The following CTIF variants were observed in gnomAD, a reference collection of about 807,000 sequenced individuals.
The protein encoded by CTIF is cap binding complex dependent translation initiation factor, also known as CBP80/20-dependent translation initiation factor.
CTIF carries 21 observed loss-of-function variants against 66.0 expected under a neutral mutation model. The observed-to-expected ratio is 0.32, with a 90% confidence interval of 0.23 to 0.46. The LOEUF (loss-of-function observed/expected upper bound fraction) is 0.46. CTIF is among the 20% of genes least tolerant of loss of function. The pLI is 1.00. For synonymous variants in CTIF, 345 were observed against 326.4 expected, an observed-to-expected ratio of 1.06 and a Z score of -0.62; for missense variants, 739 against 812.7, an observed-to-expected ratio of 0.91 and a Z score of 1.10.
chr18:48,713,238 T>C (rs541347612), intron 7 of CTIF, among the ~76,000 whole-genome samples: 19 of 152,120 alleles, frequency 1.2e-4, no homozygotes, highest in Non-Finnish European at 2.4e-4. Context: ...CCTCTGGCCC[T>C]GTAGTCTCTG....
intron 7 of CTIF, among the ~76,000 whole-genome samples, chr18:48,742,849 A>G (rs929997017): frequency 6.6e-6 from 1 of 152,142 alleles, no homozygotes; most frequent in Non-Finnish European, 1.5e-5. Flanking sequence ...GTGCAGTGTG[A>G]GTCCTTGCCT....
intron 1 of CTIF, among the ~76,000 whole-genome samples, chr18:48,603,543 G>GTGGA (rs1344511434): frequency 5.6e-5 from 8 of 142,552 alleles, no homozygotes; most frequent in African/African-American, 1.1e-4. Flanking sequence ...GGATGAATGT[G>GTGGA]TGGATGGATG....
intron 6 of CTIF, among the ~76,000 whole-genome samples, chr18:48,711,400 G>A (rs1435467122): frequency 6.6e-6 from 1 of 152,190 alleles, no homozygotes; most frequent in Non-Finnish European, 1.5e-5. Flanking sequence ...TGTCCCTACT[G>A]TTCTTTGATT....
chr18:48,654,362 C>T (rs1358572107), intron 3 of CTIF, among the ~76,000 whole-genome samples: 2 of 152,184 alleles, frequency 1.3e-5, no homozygotes, highest in African/African-American at 2.4e-5. Context: ...AGCCAAAAGA[C>T]ACATGAAAAA....
At position 48,603,096 on chromosome 18, in the gene CTIF, T is replaced by C. The variant is rs1473327221; in HGVS notation, c.-28-16442T>C. On this transcript the variant is annotated intron_variant, in intron 1 of 11. Coordinates refer to ENST00000256413, the MANE Select transcript of CTIF (RefSeq NM_014772.3). ...ATGGATGGATGGATGGATGGCTAGA[T>C]GGGTGGGTGGGTGAATGGATGGATG... Among the ~76,000 whole-genome samples, 4 of 147,538 alleles carry C rather than the reference T, an allele frequency of 2.7e-5. No homozygotes were observed. The East Asian group carries it at 8.2e-4, about 30-fold the overall frequency.
intron 6 of CTIF, among the ~76,000 whole-genome samples, chr18:48,696,523 G>A (rs2092011581): frequency 6.6e-6 from 1 of 152,196 alleles, no homozygotes; most frequent in Admixed American, 6.5e-5. Flanking sequence ...ACCGCTCTTA[G>A]TCTGTCTGGC....
chr18:48,754,380 CTTATCTG>C (rs1908135078), intron 7 of CTIF, among the ~76,000 whole-genome samples: 1 of 152,178 alleles, frequency 6.6e-6, no homozygotes, highest in South Asian at 2.1e-4. Context: ...CCTCGGTTGT[CTTATCTG>C]TCGAATGGAA....
chr18:48,583,094 A>ACTGCTGGCCTTCAGGGGGCCAGCTGGGCC, intron 1 of CTIF, among the ~76,000 whole-genome samples: 1 of 152,240 alleles, frequency 6.6e-6, no homozygotes, highest in East Asian at 1.9e-4. Context: ...CCAGATGGGA[A>ACTGCTGGCCTTCAGGGGGCCAGCTGGGCC]CTGCTGGCCT....
chr18:48,657,055 C>T (rs368068415), intron 3 of CTIF, among the ~76,000 whole-genome samples: 2 of 152,216 alleles, frequency 1.3e-5, no homozygotes, highest in Admixed American at 6.5e-5. Context: ...AGTGGAGCCA[C>T]GGTTCCCACC....
At position 48,762,410 on chromosome 18, in the gene CTIF, C is replaced by T. The variant is rs1258413862; in HGVS notation, c.1371+721C>T. ...GTTTCATCTCACAAGTACCTGCTTG[C>T]CTGTATGGGCAGTAGCAGATGAGCT... On this transcript the variant is annotated intron_variant, in intron 9 of 11. Coordinates refer to ENST00000256413, the MANE Select transcript of CTIF (RefSeq NM_014772.3). 2.6e-5 allele frequency among the ~76,000 whole-genome samples: 4 copies of T among 152,330 alleles called. No homozygotes were observed. In the East Asian group the frequency reaches 5.8e-4, roughly 22 times the overall value.
At chr18:48,845,651 T>C (rs1448584788) in intron 10 of CTIF, among the ~76,000 whole-genome samples, 1 of 152,168 alleles carries the variant, frequency 6.6e-6, no homozygotes, top group Non-Finnish European at 1.5e-5. Context: ...GTGCTGATGA[T>C]CCCAGATTAC....
intron 9 of CTIF, among the ~76,000 whole-genome samples, chr18:48,808,726 C>G (rs766743770): frequency 1.3e-5 from 2 of 152,188 alleles, no homozygotes; most frequent in Non-Finnish European, 2.9e-5. Flanking sequence ...AAATTTGTTT[C>G]TAGGCTATCT....
chr18:48,574,786 C>T (rs576893726), intron 1 of CTIF, among the ~76,000 whole-genome samples: 3 of 152,242 alleles, frequency 2.0e-5, no homozygotes, highest in East Asian at 1.9e-4. Flanking sequence ...CTGGGACACT[C>T]GATCAATGTT....
intron 9 of CTIF, among the ~76,000 whole-genome samples, chr18:48,805,900 C>T (rs2068136480): frequency 6.6e-6 from 1 of 151,854 alleles, no homozygotes; most frequent in South Asian, 2.1e-4. Flanking sequence ...CCGGTCCACA[C>T]ACGTTCATTG....
chr18:48,837,824 A>G (rs1419688165), intron 10 of CTIF, among the ~76,000 whole-genome samples: 1 of 152,052 alleles, frequency 6.6e-6, no homozygotes, highest in Non-Finnish European at 1.5e-5. Flanking sequence ...CTGCTCCCAG[A>G]TGCCCTGAGC....
chr18:48,629,181 A>G (rs1230290886), intron 2 of CTIF, among the ~76,000 whole-genome samples: 2 of 150,794 alleles, frequency 1.3e-5, no homozygotes, highest in African/African-American at 5.0e-5. Context: ...ACATTCCACC[A>G]CCACCTATGC....
At chr18:48,769,705 G>A (rs1472414491) in intron 9 of CTIF, among the ~76,000 whole-genome samples, 1 of 152,264 alleles carries the variant, frequency 6.6e-6, no homozygotes, top group Non-Finnish European at 1.5e-5. Flanking sequence ...GAGCCACAGT[G>A]GATAGGAGCC....
chr18:48,639,076 T>C (rs955355796), intron 3 of CTIF, among the ~76,000 whole-genome samples: 1 of 152,124 alleles, frequency 6.6e-6, no homozygotes, highest in Non-Finnish European at 1.5e-5. Flanking sequence ...GCCACAGACA[T>C]GTGTGCCTGG....
chr18:48,610,540 A>AC (rs934306791), intron 1 of CTIF, among the ~76,000 whole-genome samples: 6 of 151,028 alleles, frequency 4.0e-5, no homozygotes, highest in Non-Finnish European at 8.9e-5. Flanking sequence ...CTAATGAGGC[A>AC]CCCCCCGGGG....
Sources: gnomAD v4.1 joint callset for allele counts (sites outside exome capture counted in the v4.1 genomes callset) on GRCh38, gnomAD v4.1.1 for gene constraint, MANE v1.5 for transcripts, NCBI Gene and HGNC (gene_info 2026-07-23, HGNC 2026-07-21) for gene names.